RUFY2: variants seen among roughly 807,000 people sequenced by gnomAD.
The protein encoded by RUFY2 is RUN and FYVE domain containing 2, also known as RUN and FYVE domain-containing protein 2.
RUFY2 carries 49 observed loss-of-function variants against 94.4 expected under a neutral mutation model. The observed-to-expected ratio is 0.52, with a 90% confidence interval of 0.41 to 0.66. The LOEUF (loss-of-function observed/expected upper bound fraction) is 0.66, where lower values mean the gene tolerates loss of function less well. RUFY2 is among the 30% of genes least tolerant of loss of function. RUFY2 has a pLI of 0.00. For synonymous variants in RUFY2, 255 were observed against 235.7 expected, an observed-to-expected ratio of 1.08 and a Z score of -0.75; for missense variants, 541 against 692.8, an observed-to-expected ratio of 0.78 and a Z score of 2.46.
intron 7 of RUFY2, among the ~76,000 whole-genome samples, chr10:68,388,771 G>T (rs917681970): frequency 4.6e-5 from 7 of 150,780 alleles, no homozygotes; most frequent in African/African-American, 1.7e-4. Flanking sequence ...GGGAGGCAGA[G>T]GTTGCAGTGA....
intron 9 of RUFY2, 52 bp from the exon 10 acceptor site, chr10:68,383,966 A>C (rs973954411): frequency 1.3e-6 from 2 of 1,570,852 alleles, no homozygotes; most frequent in Admixed American, 3.4e-5. Context: ...TTAATACAGC[A>C]TAGAAATACC....
chr10:68,379,244 T>C, intron 12 of RUFY2, 180 bp downstream of exon 12: 1 of 525,486 alleles, frequency 1.9e-6, no homozygotes, highest in Non-Finnish European at 3.4e-6. Flanking sequence ...ATCAGCGTAA[T>C]ATAAAGCAAC....
chr10:68,398,654 T>C (rs1233654537), intron 3 of RUFY2, among the ~76,000 whole-genome samples: 2 of 151,928 alleles, frequency 1.3e-5, no homozygotes, highest in East Asian at 3.8e-4. Flanking sequence ...TCAGTCTCCA[T>C]AAAATATAAT....
chr10:68,377,188 C>A, intron 12 of RUFY2: 1 of 1,393,618 alleles, frequency 7.2e-7, no homozygotes, highest in Non-Finnish European at 9.3e-7. Context: ...GTAGTATGCC[C>A]AGAATACTAT....
downstream of RUFY2, chr10:68,342,181 T>C: frequency 1.6e-6 from 1 of 633,306 alleles, no homozygotes; most frequent in East Asian, 3.0e-5. Flanking sequence ...CAAAATATTA[T>C]TTGGTAAAGC....
Position 68,383,865 on chromosome 10 carries a change from C to T in RUFY2, c.872G>A (p.Arg291His), listed in dbSNP as rs764008644. 2.7e-5 allele frequency: 43 copies of T among 1,613,758 alleles called. 1 individual carries two copies. The highest frequency in any genetic ancestry group is 1.6e-4 in the Middle Eastern group (1 of 6,084). ...ATTGTACATTTCATCTAGCCCCTGA[C>T]GAGAATGCTTATATGTTTGAAGCTC... The part of the protein sequence containing the change: ...ETELQTYKHS[R>H]QGLDEMYNEA... The change falls in exon 10 of 18, where the codon CGT (arginine) becomes CAT (histidine). Residue 291 changes from arginine to histidine, a missense_variant. By Grantham distance (29) the Arg-to-His change is conservative (BLOSUM62 0). Transcript: ENST00000602465.
At chr10:68,407,142 C>G (rs763201629) in intron 1 of RUFY2, 44 bp downstream of exon 1, 3 of 1,508,940 alleles carry the variant, frequency 2.0e-6, no homozygotes, top group South Asian at 2.5e-5. Context: ...GCCCTCAGCC[C>G]GGGACTGAGG....
intron 16 of RUFY2, chr10:68,346,397 G>A: frequency 4.0e-6 from 1 of 251,590 alleles, no homozygotes; most frequent in East Asian, 9.2e-5. Context: ...TCAAGACCAA[G>A]CTGGGCAACA....
intron 13 of RUFY2, among the ~76,000 whole-genome samples, chr10:68,371,106 TG>T (rs2048240368): frequency 1.6e-5 from 2 of 128,760 alleles, no homozygotes; most frequent in South Asian, 2.6e-4. Context: ...CACTCCAGCC[TG>T]GGTGACAGAG....
chr10:68,383,378 G>A (rs566986788), intron 10 of RUFY2, among the ~76,000 whole-genome samples: 1 of 151,436 alleles, frequency 6.6e-6, no homozygotes, highest in African/African-American at 2.4e-5. Context: ...CAACACTTTG[G>A]GAGGCCAAGA....
rs1021293953 is a variant in RUFY2 at position 68,388,964 on chromosome 10, C to T, written c.651-2836G>A. On this transcript the variant is annotated intron_variant, in intron 7 of 17. Coordinates refer to ENST00000602465, the MANE Select transcript of RUFY2 (RefSeq NM_001330103.2). ...CTGGAGTGCAGCGGCACAAACTCAG[C>T]TCAGTGTAGCCTCAACCTCCAGAGC... Among the ~76,000 whole-genome samples the T allele has an allele frequency of 2.0e-5, 3 of 152,258 alleles. No homozygotes were observed. In the East Asian group the frequency reaches 5.8e-4, roughly 29 times the overall value.
Position 68,386,046 on chromosome 10 carries a change from C to T in RUFY2, c.720+13G>A. 6.4e-7 allele frequency: 1 copy of T among 1,554,198 alleles called. No homozygotes were observed. Among genetic ancestry groups the T allele is most frequent in the Non-Finnish European group, 8.8e-7 (1 of 1,134,366 alleles). On this transcript the variant is annotated intron_variant, in intron 8 of 17. Transcript: ENST00000602465. ...ACTAGGTCCATGAAATACATTTATCCATTAGACAATACCTCTTCAATCAGC... is the reference window on the plus strand; with the variant it reads ...ACTAGGTCCATGAAATACATTTATCTATTAGACAATACCTCTTCAATCAGC...
downstream of RUFY2, chr10:68,341,570 CT>C: frequency 6.4e-7 from 1 of 1,555,170 alleles, no homozygotes; most frequent in Non-Finnish European, 8.8e-7. Flanking sequence ...GTTACTCTTT[CT>C]TTTTTTCTTA....
At chr10:68,400,712 T>TA (rs561646469) in intron 3 of RUFY2, among the ~76,000 whole-genome samples, 17,055 of 137,286 alleles carry the variant, frequency 0.12, 1,167 homozygotes, top group South Asian at 0.26. Context: ...AAAAGAAAAC[T>TA]AAAAAAAAAA....
At chr10:68,347,278 CTTTTTT>C (rs66465620) in intron 16 of RUFY2, among the ~76,000 whole-genome samples, 3 of 86,510 alleles carry the variant, frequency 3.5e-5, no homozygotes, top group African/African-American at 4.3e-5. Context: ...CAACTTGACC[CTTTTTT>C]TTTTTTTTTT....
At chr10:68,389,521 C>A (rs1453221183) in intron 7 of RUFY2, among the ~76,000 whole-genome samples, 7 of 149,294 alleles carry the variant, frequency 4.7e-5, no homozygotes, top group African/African-American at 1.7e-4. Context: ...AACTGGAAGG[C>A]GGAGGTTGCA....
chr10:68,369,450 A>G (rs1259363375), intron 13 of RUFY2, among the ~76,000 whole-genome samples: 1 of 150,762 alleles, frequency 6.6e-6, no homozygotes, highest in Non-Finnish European at 1.5e-5. Flanking sequence ...GTACCACTGC[A>G]CTACAGCCTG....
At chr10:68,341,721 C>T (rs757831408), downstream of RUFY2, 6 of 1,578,322 alleles carry the variant, frequency 3.8e-6, no homozygotes, top group African/African-American at 1.4e-5. Flanking sequence ...AGCTGCTTAT[C>T]GATGAGTCTC....
intron 16 of RUFY2, chr10:68,346,844 G>A (rs2046309825): frequency 6.6e-6 from 1 of 152,142 alleles, no homozygotes; most frequent in African/African-American, 2.4e-5. Context: ...AAAATTTGAA[G>A]GAAATTGGGG....
Sources: allele counts gnomAD v4.1 joint callset (sites outside exome capture counted in the v4.1 genomes callset), GRCh38; gene constraint gnomAD v4.1.1; transcripts MANE v1.5; gene names NCBI Gene and HGNC (gene_info 2026-07-23, HGNC 2026-07-21).